ANKRD11: variants seen among roughly 807,000 people sequenced by gnomAD.
ANKRD11 encodes the protein ankyrin repeat domain 11.
ANKRD11 carries 17 observed loss-of-function variants against 195.7 expected under a neutral mutation model. The ratio of observed to expected loss-of-function variants is 0.09; its 90% CI spans 0.06 to 0.13. The LOEUF (loss-of-function observed/expected upper bound fraction) is 0.13, where lower values mean the gene tolerates loss of function less well. ANKRD11 is among the 10% of genes least tolerant of loss of function. ANKRD11 has a pLI of 1.00. For missense variants in ANKRD11, 3,735 were observed against 3,566.1 expected, an observed-to-expected ratio of 1.05 and a Z score of -1.21; for synonymous variants, 1,953 against 1,528.1, an observed-to-expected ratio of 1.28 and a Z score of -6.49.
chr16:89,341,987 A>G (rs1597715666), intron 2 of ANKRD11, among the ~76,000 whole-genome samples: 1 of 146,594 alleles, frequency 6.8e-6, no homozygotes. Context: ...CTGCACCTCC[A>G]CCCACAGCGG....
intron 1 of ANKRD11, among the ~76,000 whole-genome samples, chr16:89,454,214 A>G (rs1237859655): frequency 6.6e-6 from 1 of 152,150 alleles, no homozygotes; most frequent in Non-Finnish European, 1.5e-5. Flanking sequence ...GTCACTGCCC[A>G]GCAAGTGTGG....
At chr16:89,426,372 T>C (rs2042714985) in intron 1 of ANKRD11, among the ~76,000 whole-genome samples, 1 of 151,954 alleles carries the variant, frequency 6.6e-6, no homozygotes, top group African/African-American at 2.4e-5. Flanking sequence ...GACTGTGCAA[T>C]ACCTGCCTCC....
At chr16:89,301,330 T>C (rs1186521548) in intron 4 of ANKRD11, 3 of 387,164 alleles carry the variant, frequency 7.7e-6, no homozygotes, top group African/African-American at 6.2e-5. Flanking sequence ...GTAGTATCAT[T>C]TGAAGCAAAT....
intron 12 of ANKRD11, chr16:89,270,273 G>A (rs1029321248): frequency 5.3e-5 from 11 of 205,780 alleles, no homozygotes; most frequent in Admixed American, 2.6e-4. Flanking sequence ...GCAGGTAGCC[G>A]GGGCCGCCTG....
intron 12 of ANKRD11, 162 bp downstream of exon 12, chr16:89,270,655 C>A (rs960544672): frequency 1.3e-6 from 1 of 746,096 alleles, no homozygotes; most frequent in Admixed American, 2.1e-5. Context: ...CTCACCTCCC[C>A]GAAAGCATCG....
intron 1 of ANKRD11, among the ~76,000 whole-genome samples, chr16:89,488,886 G>A (rs1251315538): frequency 6.6e-6 from 1 of 152,072 alleles, no homozygotes; most frequent in Non-Finnish European, 1.5e-5. Flanking sequence ...TCTTGCAAAA[G>A]GATACAAAAC....
At chr16:89,337,288 G>A (rs901406494) in intron 2 of ANKRD11, among the ~76,000 whole-genome samples, 14 of 151,870 alleles carry the variant, frequency 9.2e-5, no homozygotes, top group African/African-American at 3.4e-4. Context: ...AGAAAGGAGA[G>A]GACTTCAGGT....
intron 4 of ANKRD11, among the ~76,000 whole-genome samples, chr16:89,303,251 T>C (rs2035961909): frequency 6.6e-6 from 1 of 152,212 alleles, no homozygotes; most frequent in South Asian, 2.1e-4. Flanking sequence ...ATGGCCACTG[T>C]GCAAAGAGCT....
rs1021024030 is a variant in ANKRD11, at chr16:89,287,150, G to A, written c.745-964C>T. 24 of 1,271,436 alleles carry A rather than the reference G, an allele frequency of 1.9e-5. No individual in the cohort carries two copies. The Admixed American group carries it at 3.9e-4, about 21-fold the overall frequency. 78.8% of individuals were successfully genotyped at this position (1,271,436 alleles called of 1,614,324 possible). On this transcript the variant is annotated intron_variant, in intron 7 of 12. Transcript: ENST00000301030. ...ATTCAGTTTCTTGCAGGGCTGGGACGGAGGTCCCCAGTCCCAGCTGCTTAG... is the reference window on the plus strand; with the variant it reads ...ATTCAGTTTCTTGCAGGGCTGGGACAGAGGTCCCCAGTCCCAGCTGCTTAG...
chr16:89,394,642 A>G (rs2041346248), intron 2 of ANKRD11, among the ~76,000 whole-genome samples: 1 of 148,092 alleles, frequency 6.8e-6, no homozygotes, highest in South Asian at 2.2e-4. Flanking sequence ...AAAAAAAAAA[A>G]CAAACAACCT....
At position 89,305,214 on chromosome 16, in the gene ANKRD11, G is replaced by T; in HGVS notation, c.218C>A (p.Ser73Ter). The T allele has an allele frequency of 6.2e-7, 1 of 1,612,586 alleles. No homozygotes were observed. Residue 73 changes from serine (S) to a stop codon, truncating the protein, a stop_gained, in exon 4 of 13, where the codon TCG (serine) becomes TAG (stop). Transcript: ENST00000301030. LOFTEE classifies it high-confidence loss of function. The stretch of plus-strand genomic sequence containing the variant: ...GGGCCGCGGGCTGGTACCTGTGTCC[G>T]AGTCCTTCTGCTCCCCATTGGCGCC... The part of the protein sequence containing the change: ...TAGANGEQKD[S>*]DTEKQGPERK...
At chr16:89,453,082 G>A (rs538544378) in intron 1 of ANKRD11, among the ~76,000 whole-genome samples, 7 of 152,072 alleles carry the variant, frequency 4.6e-5, no homozygotes, top group Non-Finnish European at 1.0e-4. Context: ...CACCACGCCC[G>A]GCTGCACAGA....
intron 2 of ANKRD11, among the ~76,000 whole-genome samples, chr16:89,340,309 G>C (rs981696001): frequency 5.3e-5 from 8 of 152,192 alleles, no homozygotes; most frequent in African/African-American, 1.2e-4. Flanking sequence ...ACGGAGTCTC[G>C]CTCTGTCGCC....
rs951105272 is a variant in ANKRD11 at position 89,343,567 on chromosome 16, G to C, written c.-59-26489C>G. 2.6e-5 allele frequency: 4 copies of C among 152,360 alleles called. No individual in the cohort carries two copies. The East Asian group carries it at 7.7e-4, about 29-fold the overall frequency. 9.4% of individuals were successfully genotyped at this position (152,360 alleles called of 1,614,324 possible). A position where few individuals can be genotyped will look rare whatever the true frequency, so the allele number is the denominator to read the frequency against. On this transcript the variant is annotated intron_variant, in intron 2 of 12. Coordinates refer to ENST00000301030, the MANE Select transcript of ANKRD11 (RefSeq NM_013275.6). ...CATGTGAGGGTGCACGCGAAACACA[G>C]TGCCTCCTCTTGGAGTTGCCAGAAT...
At chr16:89,436,937 T>C (rs1261083397) in intron 1 of ANKRD11, among the ~76,000 whole-genome samples, 1 of 152,192 alleles carries the variant, frequency 6.6e-6, no homozygotes, top group East Asian at 1.9e-4. Context: ...ATCAACCACA[T>C]CTTTTAAAAA....
intron 2 of ANKRD11, among the ~76,000 whole-genome samples, chr16:89,363,706 C>CA (rs2039828528): frequency 1.3e-5 from 2 of 152,160 alleles, no homozygotes. Context: ...CCCTGTGAAA[C>CA]AAACACACTC....
chr16:89,332,459 G>C (rs778636200), intron 2 of ANKRD11, among the ~76,000 whole-genome samples: 1 of 152,190 alleles, frequency 6.6e-6, no homozygotes, highest in Non-Finnish European at 1.5e-5. Flanking sequence ...TGTACCCGCA[G>C]CTCTGGGGAG....
chr16:89,296,922 A>G (rs1486312878), intron 4 of ANKRD11, among the ~76,000 whole-genome samples: 1 of 152,158 alleles, frequency 6.6e-6, no homozygotes, highest in African/African-American at 2.4e-5. Flanking sequence ...AAAGCCCCTC[A>G]TCCCTCCTCA....
chr16:89,368,967 G>T (rs1872062190), intron 2 of ANKRD11, among the ~76,000 whole-genome samples: 1 of 152,090 alleles, frequency 6.6e-6, no homozygotes, highest in Admixed American at 6.5e-5. Flanking sequence ...CTTCGTGCTC[G>T]CCTGGAGGGA....
Sources: allele counts gnomAD v4.1 joint callset (sites outside exome capture counted in the v4.1 genomes callset), GRCh38; gene constraint gnomAD v4.1.1; transcripts MANE v1.5; gene names NCBI Gene and HGNC (gene_info 2026-07-23, HGNC 2026-07-21).